The following SPAG16 variants were observed in gnomAD, a reference collection of about 807,000 sequenced individuals.
SPAG16 encodes the protein sperm-associated antigen 16 protein.
Under a neutral mutation model 80.4 loss-of-function variants are expected in SPAG16, and 86 were observed. That is an observed-to-expected ratio of 1.07 (90% CI 0.90 to 1.28). The LOEUF (loss-of-function observed/expected upper bound fraction) is 1.28, where lower values mean the gene tolerates loss of function less well. SPAG16 is among the 50% of genes most tolerant of loss of function. SPAG16 has a pLI of 0.00. For synonymous variants in SPAG16, 294 were observed against 265.9 expected (o/e 1.11, Z -1.03); for missense variants, 870 against 765.3 (o/e 1.14, Z -1.61).
chr2:213,612,033 A>G (rs2061454511), intron 10 of SPAG16, among the ~76,000 whole-genome samples: 2 of 152,278 alleles, frequency 1.3e-5, no homozygotes, highest in Admixed American at 1.3e-4. Context: ...CTTTATGTAA[A>G]TACAGTGACT....
At chr2:214,245,957 G>A (rs1461435523) in intron 15 of SPAG16, among the ~76,000 whole-genome samples, 6 of 152,120 alleles carry the variant, frequency 3.9e-5, no homozygotes, top group African/African-American at 1.4e-4. Context: ...TACATGCACA[G>A]TTAAGCCATC....
At chr2:213,833,487 T>TATATATATATTATATAATTA (rs2073836973) in intron 10 of SPAG16, among the ~76,000 whole-genome samples, 1 of 2,130 alleles carries the variant, frequency 4.7e-4, no homozygotes, top group African/African-American at 8.8e-4. Flanking sequence ...ATATATATAT[T>TATATATATATTATATAATTA]ATATATAATA....
chr2:213,661,033 G>A (rs141025564), intron 10 of SPAG16, among the ~76,000 whole-genome samples: 15 of 152,234 alleles, frequency 9.9e-5, no homozygotes, highest in African/African-American at 1.7e-4. Flanking sequence ...GCCAGATTTC[G>A]TAGCCCCCAC....
At chr2:213,644,942 G>A (rs1023390655) in intron 10 of SPAG16, among the ~76,000 whole-genome samples, 1 of 152,212 alleles carries the variant, frequency 6.6e-6, no homozygotes, top group Non-Finnish European at 1.5e-5. Context: ...TTTCTTCAGG[G>A]TGGCGATGTC....
intron 14 of SPAG16, among the ~76,000 whole-genome samples, chr2:214,139,588 T>G (rs754065329): frequency 9.9e-5 from 15 of 152,176 alleles, no homozygotes; most frequent in Non-Finnish European, 7.4e-5. Flanking sequence ...AAAATGCATC[T>G]GAAATTACAA....
At chr2:213,921,360 G>A (rs1467904027) in intron 11 of SPAG16, among the ~76,000 whole-genome samples, 1 of 152,112 alleles carries the variant, frequency 6.6e-6, no homozygotes, top group Non-Finnish European at 1.5e-5. Flanking sequence ...TGTTGTTGTT[G>A]TTGTTGTGGT....
chr2:214,126,972 C>A (rs556502584), intron 14 of SPAG16, among the ~76,000 whole-genome samples: 1 of 151,768 alleles, frequency 6.6e-6, no homozygotes, highest in Non-Finnish European at 1.5e-5. Context: ...AGTAAGTTCT[C>A]TGTAAGTGTT....
chr2:213,473,876 G>T (rs890870323), intron 9 of SPAG16, among the ~76,000 whole-genome samples: 2 of 152,202 alleles, frequency 1.3e-5, no homozygotes, highest in Admixed American at 6.5e-5. Flanking sequence ...ATCTCTAGGG[G>T]CCTGCCGGGA....
chr2:214,191,284 A>G (rs1034789776), intron 15 of SPAG16, among the ~76,000 whole-genome samples: 4 of 152,156 alleles, frequency 2.6e-5, no homozygotes, highest in African/African-American at 7.2e-5. Context: ...TTCCCTTGCT[A>G]GACTCTTCCA....
intron 11 of SPAG16, among the ~76,000 whole-genome samples, chr2:213,882,276 C>T (rs964206093): frequency 1.3e-5 from 2 of 152,100 alleles, no homozygotes; most frequent in Non-Finnish European, 2.9e-5. Context: ...ATCAGGGATA[C>T]TGACCCAAAG....
intron 13 of SPAG16, among the ~76,000 whole-genome samples, chr2:214,081,603 A>C (rs2051398711): frequency 6.6e-6 from 1 of 152,150 alleles, no homozygotes; most frequent in Non-Finnish European, 1.5e-5. Flanking sequence ...GAGACATAAC[A>C]TTCTCCCTCA....
chr2:214,034,378 G>A (rs1326027826), intron 13 of SPAG16, among the ~76,000 whole-genome samples: 1 of 152,182 alleles, frequency 6.6e-6, no homozygotes, highest in African/African-American at 2.4e-5. Context: ...TCACCTATTA[G>A]TGTTACAGGA....
At chr2:213,962,695 T>A (rs974163155) in intron 12 of SPAG16, among the ~76,000 whole-genome samples, 1 of 152,198 alleles carries the variant, frequency 6.6e-6, no homozygotes, top group Non-Finnish European at 1.5e-5. Flanking sequence ...GTCTGTGGAG[T>A]TTGTTATGGC....
intron 13 of SPAG16, among the ~76,000 whole-genome samples, chr2:214,076,551 G>C (rs910882034): frequency 8.7e-4 from 129 of 148,268 alleles, no homozygotes; most frequent in African/African-American, 3.1e-3. Context: ...GTCTGTGTGT[G>C]TGTGTGTGTG....
chr2:214,138,437 C>A (rs1345542950), intron 14 of SPAG16, among the ~76,000 whole-genome samples: 1 of 152,126 alleles, frequency 6.6e-6, no homozygotes, highest in Non-Finnish European at 1.5e-5. Flanking sequence ...TTAAAGCCTG[C>A]TGCATGCAAG....
intron 15 of SPAG16, among the ~76,000 whole-genome samples, chr2:214,394,555 T>G (rs1701256349): frequency 6.6e-6 from 1 of 152,214 alleles, no homozygotes; most frequent in South Asian, 2.1e-4. Flanking sequence ...AAACTCATAT[T>G]GGTTTCAAAC....
intron 10 of SPAG16, among the ~76,000 whole-genome samples, chr2:213,533,696 T>C (rs1414303138): frequency 2.0e-5 from 3 of 152,306 alleles, no homozygotes; most frequent in Admixed American, 2.0e-4. Context: ...AAATGTAATC[T>C]GTGTTTCTAT....
intron 13 of SPAG16, among the ~76,000 whole-genome samples, chr2:214,059,198 A>ATATATATATATGTATGTG (rs2050107864): frequency 2.3e-4 from 12 of 51,170 alleles, no homozygotes; most frequent in African/African-American, 8.4e-4. Flanking sequence ...ATATATATAT[A>ATATATATATATGTATGTG]TATATATATA....
At chr2:213,808,100 G>A (rs2071885979) in intron 10 of SPAG16, among the ~76,000 whole-genome samples, 2 of 152,210 alleles carry the variant, frequency 1.3e-5, no homozygotes, top group South Asian at 4.1e-4. Flanking sequence ...TACTGAAGAG[G>A]CCATGAGTAA....
Sources: gnomAD v4.1 joint callset for allele counts (sites outside exome capture counted in the v4.1 genomes callset) on GRCh38, gnomAD v4.1.1 for gene constraint, MANE v1.5 for transcripts, NCBI Gene and HGNC (gene_info 2026-07-23, HGNC 2026-07-21) for gene names.